SLAMF1: variants seen among roughly 807,000 people sequenced by gnomAD.
SLAMF1 encodes the protein signaling lymphocytic activation molecule.
A neutral mutation model predicts 35.1 loss-of-function variants in SLAMF1; 18 were observed. The ratio of observed to expected loss-of-function variants is 0.51; its 90% CI spans 0.35 to 0.76. The LOEUF (loss-of-function observed/expected upper bound fraction) is 0.76, where lower values mean the gene tolerates loss of function less well. Ranked by LOEUF, SLAMF1 falls within the 30% of genes least tolerant of loss-of-function variation. The probability of loss-of-function intolerance (pLI) is 0.01; values close to 1 mark genes in which losing one functional copy is unlikely to be tolerated. For missense variants in SLAMF1, 392 were observed against 413.0 expected (o/e 0.95, Z 0.44); for synonymous variants, 168 against 157.2 (o/e 1.07, Z -0.51).
rs754318167 is a variant in SLAMF1, at chr1:160,610,644, G to A, written c.*104C>T. On this transcript the variant is annotated 3_prime_UTR_variant, in exon 7 of 7. Transcript: ENST00000302035. The stretch of plus-strand genomic sequence containing the variant: ...GAGTTGATCTGAGAAGGGTACAGAC[G>A]TGCAGCATGTCTGCCAGAGGAAACT... The A allele has an allele frequency of 1.3e-4, 105 of 787,216 alleles. 1 individual carries two copies. The highest frequency in any genetic ancestry group is 9.2e-4 in the Middle Eastern group (4 of 4,348). 48.8% of individuals were successfully genotyped at this position (787,216 alleles called of 1,614,324 possible).
At chr1:160,638,649 A>G in intron 1 of SLAMF1, among the ~76,000 whole-genome samples, 1 of 151,724 alleles carries the variant, frequency 6.6e-6, no homozygotes, top group African/African-American at 2.4e-5. Context: ...TTCCAGACCC[A>G]TTTTTCCTTG....
intron 3 of SLAMF1, among the ~76,000 whole-genome samples, chr1:160,629,334 A>C (rs1352644553): frequency 6.6e-6 from 1 of 152,036 alleles, no homozygotes; most frequent in Non-Finnish European, 1.5e-5. Context: ...CTCAAGTCCC[A>C]AAATCTTATT....
chr1:160,617,748 G>T (rs1659384124), intron 5 of SLAMF1, among the ~76,000 whole-genome samples: 1 of 152,192 alleles, frequency 6.6e-6, no homozygotes, highest in Admixed American at 6.5e-5. Context: ...TCTAGTCTTT[G>T]ATCTGAGTGG....
At position 160,634,734 on chromosome 1, in the gene SLAMF1, G is replaced by C; in HGVS notation, c.579C>G (p.Leu193=). Residue 193 remains leucine (L), a synonymous_variant, in exon 3 of 7, where the codon CTC becomes CTG. Transcript: ENST00000302035. ...HPLNPANSSH[L]LSLTLGPQHA... is the part of the protein sequence containing the mutation. ...GCTGGGGGCCGAGGGTGAGGGACAG[G>C]AGGTGGGAGCTGTTGGCTGGGTTCA... is the stretch of plus-strand genomic sequence containing the variant. The C allele has an allele frequency of 6.2e-7, 1 of 1,614,202 alleles. No individual in the cohort carries two copies.
At chr1:160,617,230 G>A (rs994349959) in intron 5 of SLAMF1, among the ~76,000 whole-genome samples, 2 of 151,900 alleles carry the variant, frequency 1.3e-5, no homozygotes, top group Non-Finnish European at 2.9e-5. Flanking sequence ...AAATGGATAC[G>A]CCCACTTTGA....
chr1:160,622,350 C>T (rs776465571), intron 4 of SLAMF1, among the ~76,000 whole-genome samples: 7 of 152,202 alleles, frequency 4.6e-5, no homozygotes, highest in Non-Finnish European at 5.9e-5. Flanking sequence ...CTCAATGGGT[C>T]TTTTCTCTTA....
chr1:160,641,096 A>C (rs1660720541), intron 1 of SLAMF1, among the ~76,000 whole-genome samples: 1 of 152,202 alleles, frequency 6.6e-6, no homozygotes, highest in South Asian at 2.1e-4. Flanking sequence ...ATGAGAAAAA[A>C]TTTAAAGCCA....
At chr1:160,628,723 G>C (rs538385678) in intron 3 of SLAMF1, among the ~76,000 whole-genome samples, 46 of 152,292 alleles carry the variant, frequency 3.0e-4, no homozygotes, top group African/African-American at 1.0e-3. Flanking sequence ...AGACTGTCAC[G>C]TAGCTTTCTG....
chr1:160,643,104 C>G (rs1220937924), intron 1 of SLAMF1, among the ~76,000 whole-genome samples: 2 of 152,102 alleles, frequency 1.3e-5, no homozygotes, highest in African/African-American at 4.8e-5. Flanking sequence ...TGTGAGTAAA[C>G]AGACACTCCA....
intron 2 of SLAMF1, among the ~76,000 whole-genome samples, chr1:160,635,894 C>T (rs576440548): frequency 6.6e-6 from 1 of 152,076 alleles, no homozygotes; most frequent in South Asian, 2.1e-4. Flanking sequence ...ATCTTCTCAA[C>T]AATTATAACT....
intron 5 of SLAMF1, among the ~76,000 whole-genome samples, chr1:160,614,964 G>T (rs1031221967): frequency 1.3e-5 from 2 of 152,094 alleles, no homozygotes; most frequent in Non-Finnish European, 2.9e-5. Flanking sequence ...GTGAATGGTG[G>T]CCGCTGGAAT....
chr1:160,639,118 A>C (rs1411682025), intron 1 of SLAMF1, among the ~76,000 whole-genome samples: 2 of 152,210 alleles, frequency 1.3e-5, no homozygotes, highest in Non-Finnish European at 2.9e-5. Flanking sequence ...TTAGCAAACA[A>C]ACTCTTGGTT....
At chr1:160,613,892 C>A (rs6678177) in intron 5 of SLAMF1, among the ~76,000 whole-genome samples, 3,493 of 152,300 alleles carry the variant, frequency 0.023, 129 homozygotes, top group African/African-American at 0.08. Flanking sequence ...GATGAATTGC[C>A]TTGGCAGGCA....
chr1:160,644,788 A>G lies in SLAMF1; in HGVS notation c.76+2082T>C, dbSNP rs980134620. ...GAGAAATAGAAGTGCCTAGATTGAC[A>G]TCTTGGGATAGAATGGGCCACTGAA... On this transcript the variant is annotated intron_variant, in intron 1 of 6. Coordinates refer to ENST00000302035, the MANE Select transcript of SLAMF1 (RefSeq NM_003037.5). Among the ~76,000 whole-genome samples, 6 of 152,342 alleles carry G rather than the reference A, an allele frequency of 3.9e-5. 1 individual carries two copies. Among genetic ancestry groups the G allele is most frequent in the East Asian group, 3.9e-4 (2 of 5,194 alleles).
intron 3 of SLAMF1, among the ~76,000 whole-genome samples, chr1:160,626,533 A>G (rs1372650932): frequency 1.3e-5 from 2 of 152,220 alleles, no homozygotes; most frequent in Admixed American, 6.5e-5. Context: ...TATGAATCAT[A>G]GACCTTTTTA....
intron 4 of SLAMF1, among the ~76,000 whole-genome samples, chr1:160,623,182 C>A (rs1659708288): frequency 6.6e-6 from 1 of 152,108 alleles, no homozygotes; most frequent in Non-Finnish European, 1.5e-5. Context: ...AAGTTAAGTT[C>A]AGTTTTCTCA....
At chr1:160,621,855 CGTGTGTGTGT>C (rs59676823) in intron 4 of SLAMF1, among the ~76,000 whole-genome samples, 130 of 145,300 alleles carry the variant, frequency 8.9e-4, no homozygotes, top group African/African-American at 3.2e-3. Context: ...TGCGTGAGTG[CGTGTGTGTGT>C]GTGTGTGTGT....
intron 5 of SLAMF1, among the ~76,000 whole-genome samples, chr1:160,618,084 CA>C (rs1659405168): frequency 1.3e-5 from 2 of 151,894 alleles, no homozygotes; most frequent in Admixed American, 1.3e-4. Flanking sequence ...AAACAAAAAA[CA>C]AAAAACAAAA....
chr1:160,621,681 G>A (rs1051553109), intron 4 of SLAMF1, among the ~76,000 whole-genome samples: 3 of 152,008 alleles, frequency 2.0e-5, no homozygotes, highest in Admixed American at 1.3e-4. Flanking sequence ...AATGTGCTGC[G>A]TGAGGGTGTG....
Sources: allele counts gnomAD v4.1 joint callset (sites outside exome capture counted in the v4.1 genomes callset), GRCh38; gene constraint gnomAD v4.1.1; transcripts MANE v1.5; gene names NCBI Gene and HGNC (gene_info 2026-07-23, HGNC 2026-07-21).